Variants in ARHGAP32 observed in about 807,000 individuals in gnomAD.
ARHGAP32 encodes the protein rho GTPase-activating protein 32.
Under a neutral mutation model 186.5 loss-of-function variants are expected in ARHGAP32, and 51 were observed. That is an observed-to-expected ratio of 0.27 (90% confidence interval 0.22 to 0.35). ARHGAP32 has a LOEUF of 0.35. Among genes scored for constraint, ARHGAP32 ranks in the 10% least tolerant of loss-of-function variants. ARHGAP32 has a pLI of 1.00. For missense variants in ARHGAP32, 2,186 were observed against 2,623.5 expected, an observed-to-expected ratio of 0.83 and a Z score of 3.64; for synonymous variants, 950 against 964.3, an observed-to-expected ratio of 0.99 and a Z score of 0.27.
intron 10 of ARHGAP32, among the ~76,000 whole-genome samples, chr11:129,060,757 T>A (rs2135131339): frequency 6.6e-6 from 1 of 152,144 alleles, no homozygotes; most frequent in Non-Finnish European, 1.5e-5. Flanking sequence ...AAAATTAAAC[T>A]TGTAAAATAA....
intron 2 of ARHGAP32, among the ~76,000 whole-genome samples, chr11:129,162,417 T>C (rs1943549904): frequency 6.6e-6 from 1 of 152,174 alleles, no homozygotes. Flanking sequence ...CCTTGACTCT[T>C]GGTAAGTCAA....
At chr11:128,987,229 C>T (rs758368423) in intron 13 of ARHGAP32, among the ~76,000 whole-genome samples, 51 of 152,158 alleles carry the variant, frequency 3.4e-4, no homozygotes, top group Non-Finnish European at 6.8e-4. Flanking sequence ...AATAGTAAGG[C>T]AGAGTAAGCT....
intron 2 of ARHGAP32, among the ~76,000 whole-genome samples, chr11:129,153,741 T>C (rs148156325): frequency 1.4e-4 from 22 of 152,298 alleles, no homozygotes; most frequent in African/African-American, 5.3e-4. Context: ...CAAGTCAAGA[T>C]GGATCAGACT....
chr11:129,227,278 A>G (rs1944798059), intron 1 of ARHGAP32, among the ~76,000 whole-genome samples: 1 of 152,096 alleles, frequency 6.6e-6, no homozygotes, highest in Non-Finnish European at 1.5e-5. Context: ...ATACTAAAAT[A>G]CAAGATAAGG....
intron 1 of ARHGAP32, among the ~76,000 whole-genome samples, chr11:129,209,104 C>A (rs949944178): frequency 6.6e-6 from 1 of 152,130 alleles, no homozygotes; most frequent in Admixed American, 6.5e-5. Context: ...AGATTCTCAA[C>A]ATTTTTTCTC....
chr11:129,029,329 G>C (rs1938994868), intron 11 of ARHGAP32, among the ~76,000 whole-genome samples: 1 of 152,196 alleles, frequency 6.6e-6, no homozygotes, highest in Admixed American at 6.5e-5. Context: ...TCTGGGTTTT[G>C]CATTAACTAC....
chr11:129,224,401 G>A (rs1174998702), intron 1 of ARHGAP32, among the ~76,000 whole-genome samples: 1 of 152,140 alleles, frequency 6.6e-6, no homozygotes, highest in African/African-American at 2.4e-5. Context: ...AGTGAAAACA[G>A]TAGAGTGAGT....
chr11:129,098,604 A>G (rs1009309247), intron 5 of ARHGAP32, among the ~76,000 whole-genome samples: 7 of 151,972 alleles, frequency 4.6e-5, no homozygotes, highest in African/African-American at 1.7e-4. Context: ...TATTTTTAGT[A>G]GAGACGGGGT....
At chr11:129,213,579 ATCT>A (rs1447630810) in intron 1 of ARHGAP32, among the ~76,000 whole-genome samples, 1 of 152,192 alleles carries the variant, frequency 6.6e-6, no homozygotes, top group East Asian at 1.9e-4. Flanking sequence ...AATGAATGCT[ATCT>A]TATTAATATT....
chr11:128,981,653 G>A (rs1945709981), intron 16 of ARHGAP32, 92 bp from the exon 17 acceptor site: 1 of 1,395,210 alleles, frequency 7.2e-7, no homozygotes, highest in Admixed American at 2.2e-5. Context: ...ACAAACAGAG[G>A]AAGAAATCAT....
chr11:129,258,058 C>T lies in ARHGAP32; in HGVS notation c.-5+21088G>A, dbSNP rs554268831. Among the ~76,000 whole-genome samples the T allele has an allele frequency of 1.9e-3, 285 of 152,166 alleles. 4 individuals are homozygous for T. Among genetic ancestry groups the T allele is most frequent in the African/African-American group, 6.7e-3 (280 of 41,534 alleles). On this transcript the variant is annotated intron_variant, in intron 1 of 6. Coordinates refer to the ARHGAP32 transcript ENST00000525234. ...AAAGTCTTATTTTTGTCTAAAATAGCAATGTAATACATTTCATGTTAAGAT... is the reference window on the plus strand; with the variant it reads ...AAAGTCTTATTTTTGTCTAAAATAGTAATGTAATACATTTCATGTTAAGAT...
chr11:129,272,820 CTT>C (rs1945488296), intron 1 of ARHGAP32, among the ~76,000 whole-genome samples: 2 of 152,364 alleles, frequency 1.3e-5, no homozygotes, highest in African/African-American at 2.4e-5. Context: ...ACTTTGGTCT[CTT>C]GTCACTTCTC....
intron 12 of ARHGAP32, among the ~76,000 whole-genome samples, chr11:128,990,599 G>T (rs1946020029): frequency 6.6e-6 from 1 of 152,122 alleles, no homozygotes; most frequent in African/African-American, 2.4e-5. Context: ...AAAGATGAAG[G>T]GCAGGTAGAA....
chr11:129,162,951 C>T (rs1331168027), intron 2 of ARHGAP32, among the ~76,000 whole-genome samples: 1 of 152,062 alleles, frequency 6.6e-6, no homozygotes, highest in East Asian at 1.9e-4. Flanking sequence ...ACTACAGGTC[C>T]AGTAGGGTTT....
rs547973482 is a variant in ARHGAP32, at chr11:129,128,813, G to A, written c.226-3919C>T. ...TTGGCCGGGCTGGTCTCCAGCTCCT[G>A]ACCGCAAGTGATCTGCCTGCCTCGG... On this transcript the variant is annotated intron_variant, in intron 2 of 22. Transcript: ENST00000682385. 1.2e-3 allele frequency among the ~76,000 whole-genome samples: 184 copies of A among 152,352 alleles called. 2 individuals are homozygous for A. Among genetic ancestry groups the A allele is most frequent in the Middle Eastern group, 3.4e-3 (1 of 294 alleles).
intron 2 of ARHGAP32, among the ~76,000 whole-genome samples, chr11:129,136,148 A>C (rs2135415755): frequency 6.6e-6 from 1 of 152,340 alleles, no homozygotes; most frequent in East Asian, 1.9e-4. Context: ...CTAACAGAAA[A>C]AAAAGGCAAA....
intron 1 of ARHGAP32, among the ~76,000 whole-genome samples, chr11:129,271,026 C>A (rs1445153584): frequency 6.6e-6 from 1 of 152,172 alleles, no homozygotes; most frequent in Non-Finnish European, 1.5e-5. Flanking sequence ...TTAAGAACCA[C>A]TGATATGGAG....
intron 19 of ARHGAP32, 122 bp from the exon 20 acceptor site, chr11:128,976,756 C>G (rs1009962654): frequency 2.6e-6 from 2 of 765,704 alleles, no homozygotes; most frequent in Admixed American, 2.1e-5. Flanking sequence ...ATTTTGACAG[C>G]AATTTAGTAC....
At chr11:129,255,334 T>G (rs1945241174) in intron 1 of ARHGAP32, among the ~76,000 whole-genome samples, 1 of 152,058 alleles carries the variant, frequency 6.6e-6, no homozygotes. Context: ...AAATCTCATG[T>G]GAAAATAAGG....
Sources: gnomAD v4.1 joint callset for allele counts (sites outside exome capture counted in the v4.1 genomes callset) on GRCh38, gnomAD v4.1.1 for gene constraint, MANE v1.5 for transcripts, NCBI Gene and HGNC (gene_info 2026-07-23, HGNC 2026-07-21) for gene names.